The following CBLL1 variants were observed in gnomAD, a reference collection of about 807,000 sequenced individuals.
CBLL1 encodes the protein E3 ubiquitin-protein ligase Hakai.
Under a neutral mutation model 44.9 loss-of-function variants are expected in CBLL1, and 4 were observed. The ratio of observed to expected loss-of-function variants is 0.09; its 90% CI spans 0.04 to 0.20. CBLL1 has a LOEUF of 0.20. Ranked by LOEUF, CBLL1 falls within the 10% of genes least tolerant of loss-of-function variation. CBLL1 has a pLI of 1.00. For missense variants in CBLL1, 569 were observed against 636.7 expected, an observed-to-expected ratio of 0.89 and a Z score of 1.14; for synonymous variants, 235 against 202.2, an observed-to-expected ratio of 1.16 and a Z score of -1.38.
chr7:107,758,621 G>A lies in CBLL1; in HGVS notation c.919G>A (p.Glu307Lys). The change falls in exon 6 of 6, where the codon GAA becomes AAA. Residue 307 changes from glutamate to lysine, a missense_variant. Glu to Lys is a moderately conservative substitution (Grantham distance 56). Around this residue, in one of 5 missense-constraint regions of CBLL1, gnomAD observed 228 missense variants for 253.2 expected, o/e 0.90. Transcript: ENST00000440859. The surrounding 1 kb of genome is among the most constrained non-coding windows in gnomAD (Gnocchi z 4.2). ...IQDDSNSGAR[E>K]PPPPAPAPAH... Reference sequence around the variant, plus strand: ...GGATGACTCAAATTCAGGTGCTAGAGAACCACCACCTCCTGCCCCAGCACC... The same window carrying A: ...GGATGACTCAAATTCAGGTGCTAGAAAACCACCACCTCCTGCCCCAGCACC... 2 of 1,613,920 alleles carry A rather than the reference G, an allele frequency of 1.2e-6. No homozygotes were observed. Among genetic ancestry groups the A allele is most frequent in the Non-Finnish European group, 1.7e-6 (2 of 1,179,988 alleles).
chr7:107,757,337 C>T (rs1237599955), intron 5 of CBLL1, among the ~76,000 whole-genome samples: 1 of 152,018 alleles, frequency 6.6e-6, no homozygotes, highest in East Asian at 1.9e-4. Context: ...AATGAAGAAA[C>T]AAACTCAAAA....
rs770645015 is a variant in CBLL1, at chr7:107,759,065, C to T, written c.1363C>T (p.Pro455Ser). The T allele has an allele frequency of 1.2e-6, 2 of 1,613,836 alleles. No homozygotes were observed. Among genetic ancestry groups the T allele is most frequent in the Non-Finnish European group, 1.7e-6 (2 of 1,179,976 alleles). Reference sequence around the variant, plus strand: ...AGGGGGAATGAGTCCTGGTATATGGCCTGCACCAAGAGGGCCACCACCACC... The same window carrying T: ...AGGGGGAATGAGTCCTGGTATATGGTCTGCACCAAGAGGGCCACCACCACC... Reference protein sequence around the residue: ...QPGGMSPGIWPAPRGPPPPPR... With the variant: ...QPGGMSPGIWSAPRGPPPPPR... The change falls in exon 6 of 6, where the codon CCT becomes TCT. Residue 455 changes from proline (P) to serine (S), a missense_variant. By Grantham distance (74) the Pro-to-Ser change is moderately conservative. Transcript: ENST00000440859.
At position 107,744,168 on chromosome 7, in the gene CBLL1, A is replaced by C. The variant is rs1792873535; in HGVS notation, c.5A>C (p.Asp2Ala). The part of the protein sequence containing the change: M[D>A]HTDNELQGTN... ...CTGTGCTCTGCGAGCCGAATCATGGATCACACTGGTAAGGAGGCGGAGGCA... is the reference window on the plus strand; with the variant it reads ...CTGTGCTCTGCGAGCCGAATCATGGCTCACACTGGTAAGGAGGCGGAGGCA... Residue 2 changes from aspartate to alanine, a missense_variant, in exon 1 of 6, where the codon GAT becomes GCT. This residue lies in a region of CBLL1 where 209 missense variants were observed against 202.8 expected (regional missense o/e 1.03). Transcript: ENST00000440859. The C allele has an allele frequency of 1.3e-6, 2 of 1,555,236 alleles. No individual in the cohort carries two copies. The highest frequency in any genetic ancestry group is 1.2e-5 in the South Asian group (1 of 84,268).
At chr7:107,747,331 T>C (rs1418670485) in intron 1 of CBLL1, among the ~76,000 whole-genome samples, 1 of 152,214 alleles carries the variant, frequency 6.6e-6, no homozygotes, top group Non-Finnish European at 1.5e-5. Context: ...TTCACAAAGG[T>C]AAAACGATTA....
At position 107,758,373 on chromosome 7, in the gene CBLL1, C is replaced by T. The variant is rs1451652445; in HGVS notation, c.671C>T (p.Pro224Leu). The T allele has an allele frequency of 1.9e-6, 3 of 1,614,002 alleles. No individual in the cohort carries two copies. Among genetic ancestry groups the T allele is most frequent in the African/African-American group, 1.3e-5 (1 of 74,898 alleles). ...ATCCCTGAGCGTTTTATAATGCCAC[C>T]AGACAAGCACCATATGAGCCATATT... The part of the protein sequence containing the change: ...TEIPERFIMP[P>L]DKHHMSHIPP... The change falls in exon 6 of 6, where the codon CCA (proline) becomes CTA (leucine). Residue 224 changes from proline to leucine, a missense_variant. Physicochemically the swap from Pro to Leu is moderately conservative, Grantham distance 98. Around this residue, in one of 5 missense-constraint regions of CBLL1, gnomAD observed 111 missense variants for 113.0 expected, o/e 0.98. Coordinates refer to ENST00000440859, the MANE Select transcript of CBLL1 (RefSeq NM_024814.4). The surrounding 1 kb of genome is among the most constrained non-coding windows in gnomAD (Gnocchi z 4.2).
At chr7:107,747,400 T>C (rs929975060) in intron 1 of CBLL1, among the ~76,000 whole-genome samples, 2 of 152,244 alleles carry the variant, frequency 1.3e-5, no homozygotes, top group Admixed American at 1.3e-4. Context: ...TGATTATATG[T>C]CTACAACGAC....
rs187260811 is a variant in CBLL1, at chr7:107,753,881, T to C, written c.283-14T>C. The C allele has an allele frequency of 3.0e-3, 4,495 of 1,516,172 alleles. 16 individuals are homozygous for C. Among genetic ancestry groups the C allele is most frequent in the Non-Finnish European group, 3.6e-3 (3,949 of 1,109,198 alleles). 93.9% of individuals were successfully genotyped at this position (1,516,172 alleles called of 1,614,324 possible). ...TTGTGTAAGAAGGTAATTTTAATTA[T>C]ATCATTTCAACAGATAAACATCTTA... is the stretch of plus-strand genomic sequence containing the variant. On this transcript the variant is annotated splice_polypyrimidine_tract_variant and intron_variant, in intron 3 of 5. Transcript: ENST00000440859.
rs1326345661 is a variant in CBLL1 at position 107,758,486 on chromosome 7, G to T, written c.784G>T (p.Ala262Ser). 6.2e-7 allele frequency: 1 copy of T among 1,614,064 alleles called. No homozygotes were observed. The highest frequency in any genetic ancestry group is 1.7e-5 in the Admixed American group (1 of 59,992). ...HYNQPHEDIR[A>S]PPAELSMAPP... is the part of the protein sequence containing the mutation. ...TAATCAGCCACATGAGGATATTCGT[G>T]CTCCTCCAGCAGAATTGTCCATGGC... is the stretch of plus-strand genomic sequence containing the variant. The change falls in exon 6 of 6, where the codon GCT (alanine) becomes TCT (serine). Residue 262 changes from alanine to serine, a missense_variant. Ala to Ser is a moderately conservative substitution (Grantham distance 99, BLOSUM62 1). This residue lies in a region of CBLL1 where 111 missense variants were observed against 113.0 expected (regional missense o/e 0.98). Transcript: ENST00000440859. This position sits in a 1 kb window ranked among gnomAD's most constrained non-coding sequence, Gnocchi z 4.2.
intron 2 of CBLL1, among the ~76,000 whole-genome samples, chr7:107,752,917 C>G (rs994835634): frequency 6.6e-6 from 1 of 152,128 alleles, no homozygotes; most frequent in Non-Finnish European, 1.5e-5. Flanking sequence ...AAGAGGATAA[C>G]TTGTTTGCTA....
intron 2 of CBLL1, among the ~76,000 whole-genome samples, chr7:107,751,047 T>C (rs903098647): frequency 2.0e-5 from 3 of 152,032 alleles, no homozygotes; most frequent in South Asian, 2.1e-4. Flanking sequence ...TTTACTGTTA[T>C]CATATATATG....
chr7:107,744,318 C>A, intron 1 of CBLL1, 142 bp downstream of exon 1: 1 of 1,076,066 alleles, frequency 9.3e-7, no homozygotes. Flanking sequence ...AGATGCCTTC[C>A]TGTGCCCGGC....
At position 107,759,355 on chromosome 7, in the gene CBLL1, A is replaced by C; in HGVS notation, c.*177A>C. 1 of 597,444 alleles carries C rather than the reference A, an allele frequency of 1.7e-6. No homozygotes were observed. Among genetic ancestry groups the C allele is most frequent in the East Asian group, 2.8e-5 (1 of 35,750 alleles). The allele number at this position is 597,444 out of a possible 1,614,324, so 37.0% of individuals were successfully genotyped here. On this transcript the variant is annotated 3_prime_UTR_variant, in exon 6 of 6. Transcript: ENST00000440859. The stretch of plus-strand genomic sequence containing the variant: ...GACCTTAAGATTGATTTCAAGTACC[A>C]TACTGTAGTACAGATAAGTGGCTCA...
chr7:107,757,733 CAACA>C (rs1447076574), intron 5 of CBLL1, among the ~76,000 whole-genome samples: 1 of 152,160 alleles, frequency 6.6e-6, no homozygotes, highest in African/African-American at 2.4e-5. Flanking sequence ...ATTATTTGCT[CAACA>C]AACAGTTATC....
At chr7:107,744,466 C>T in intron 1 of CBLL1, 1 of 410,730 alleles carries the variant, frequency 2.4e-6, no homozygotes, top group Admixed American at 4.2e-5. Context: ...AAGGGAGAGC[C>T]CCGGCTCTGT....
At chr7:107,752,632 C>G in intron 2 of CBLL1, 1 of 1,218,876 alleles carries the variant, frequency 8.2e-7, no homozygotes, top group Non-Finnish European at 1.1e-6. Context: ...TTGGATTCTA[C>G]CTAGAATTCC....
intron 2 of CBLL1, chr7:107,752,441 T>G (rs1451240200): frequency 4.8e-6 from 2 of 421,032 alleles, no homozygotes; most frequent in Non-Finnish European, 8.4e-6. Flanking sequence ...TGTGAATGTG[T>G]CTCTCTGTGT....
chr7:107,749,597 T>G (rs1447703315), intron 2 of CBLL1, among the ~76,000 whole-genome samples: 1 of 143,734 alleles, frequency 7.0e-6, no homozygotes, highest in Non-Finnish European at 1.5e-5. Context: ...TGCACAGATT[T>G]GGCCTTTTTT....
chr7:107,753,637 A>G (rs1562863056), intron 3 of CBLL1, 126 bp downstream of exon 3: 7 of 584,936 alleles, frequency 1.2e-5, no homozygotes, highest in Non-Finnish European at 5.7e-6. Context: ...TATGATTTTC[A>G]GCACATACAA....
rs1793349721 is a variant in CBLL1 at position 107,752,491 on chromosome 7, T to G, written c.182-920T>G. On this transcript the variant is annotated intron_variant, in intron 2 of 5. Coordinates refer to ENST00000440859, the MANE Select transcript of CBLL1 (RefSeq NM_024814.4). ...CTGTGTCTGTGTATAGGTGCTGTAA[T>G]TTAGTCATGTGGGTAAAGTTAAAAC... The G allele has an allele frequency of 1.6e-5, 14 of 901,952 alleles. No individual in the cohort carries two copies. The South Asian group carries it at 1.9e-4, about 12-fold the overall frequency. The allele number at this position is 901,952 out of a possible 1,614,324, so 55.9% of individuals were successfully genotyped here.
Sources: gnomAD v4.1 joint callset for allele counts (sites outside exome capture counted in the v4.1 genomes callset) on GRCh38, gnomAD v4.1.1 for gene constraint, gnomAD v4.1.1 regional missense constraint, Gnocchi (gnomAD v3.1) non-coding constraint, MANE v1.5 for transcripts, NCBI Gene and HGNC (gene_info 2026-07-23, HGNC 2026-07-21) for gene names.